The following ABTB3 variants were observed in gnomAD, a reference collection of about 807,000 sequenced individuals.
The protein encoded by ABTB3 is ankyrin repeat and BTB domain containing 3.
the ABTB3 span, chr12:107,617,830 A>G: frequency 2.7e-6 from 1 of 375,236 alleles, no homozygotes; most frequent in Non-Finnish European, 4.8e-6. Context: ...ATCAGCTTTT[A>G]TTACACATAA....
the ABTB3 span, among the ~76,000 whole-genome samples, chr12:107,465,608 C>G: frequency 6.6e-6 from 1 of 152,078 alleles, no homozygotes; most frequent in Non-Finnish European, 1.5e-5. Flanking sequence ...GGGGGCAGAC[C>G]TCCCCTGTGA....
chr12:107,615,695 G>T, the ABTB3 span, among the ~76,000 whole-genome samples: 1 of 152,246 alleles, frequency 6.6e-6, no homozygotes, highest in East Asian at 1.9e-4. Flanking sequence ...TTCTGAAACA[G>T]CTCCAAGCAC....
the ABTB3 span, among the ~76,000 whole-genome samples, chr12:107,321,380 A>G: frequency 6.6e-6 from 1 of 152,178 alleles, no homozygotes; most frequent in Non-Finnish European, 1.5e-5. Context: ...GCCCGGCTCC[A>G]GCCGAAGCCT....
chr12:107,613,917 C>T, the ABTB3 span, among the ~76,000 whole-genome samples: 2 of 152,026 alleles, frequency 1.3e-5, no homozygotes, highest in East Asian at 3.8e-4. Flanking sequence ...AGACAATAGA[C>T]ACAGTTTTGG....
the ABTB3 span, among the ~76,000 whole-genome samples, chr12:107,647,578 A>C: frequency 6.6e-6 from 1 of 152,262 alleles, no homozygotes; most frequent in Non-Finnish European, 1.5e-5. Context: ...CACACATGCG[A>C]AAAGCAGTCT....
At chr12:107,385,573 C>T in the ABTB3 span, among the ~76,000 whole-genome samples, 15 of 152,220 alleles carry the variant, frequency 9.9e-5, no homozygotes, top group Admixed American at 5.9e-4. Flanking sequence ...GGTGAGGTTC[C>T]GAGAAGCCTT....
the ABTB3 span, among the ~76,000 whole-genome samples, chr12:107,320,858 G>T: frequency 6.6e-6 from 1 of 152,094 alleles, no homozygotes; most frequent in African/African-American, 2.4e-5. Context: ...GGATGGAGCT[G>T]GCGGGGGGCA....
chr12:107,612,968 G>T, the ABTB3 span: 7 of 1,069,270 alleles, frequency 6.5e-6, no homozygotes, highest in Admixed American at 1.4e-4. Context: ...GCCACTGAGG[G>T]TGCACAGTGC....
chr12:107,473,185 G>GCATTCTGTA, the ABTB3 span, among the ~76,000 whole-genome samples: 1 of 152,120 alleles, frequency 6.6e-6, no homozygotes, highest in African/African-American at 2.4e-5. Flanking sequence ...TACAGAAAGT[G>GCATTCTGTA]CACACATCAA....
chr12:107,437,076 C>A, the ABTB3 span, among the ~76,000 whole-genome samples: 1 of 152,106 alleles, frequency 6.6e-6, no homozygotes, highest in Non-Finnish European at 1.5e-5. Context: ...CTTGAGAAAG[C>A]CTGGGCTGTG....
chr12:107,463,774 T>G, the ABTB3 span, among the ~76,000 whole-genome samples: 4 of 152,222 alleles, frequency 2.6e-5, no homozygotes, highest in African/African-American at 9.7e-5. Context: ...ACAAGGGACT[T>G]CTACCCTCAT....
chr12:107,372,273 C>T, the ABTB3 span, among the ~76,000 whole-genome samples: 1 of 152,150 alleles, frequency 6.6e-6, no homozygotes, highest in African/African-American at 2.4e-5. Context: ...TCTTGCAACT[C>T]CTTCCCCAGT....
the ABTB3 span, among the ~76,000 whole-genome samples, chr12:107,337,612 A>G: frequency 2.0e-5 from 3 of 152,206 alleles, no homozygotes; most frequent in Non-Finnish European, 2.9e-5. Flanking sequence ...CAGATACTCA[A>G]GGCCATGCAG....
chr12:107,590,387 C>T, the ABTB3 span, among the ~76,000 whole-genome samples: 1 of 152,124 alleles, frequency 6.6e-6, no homozygotes, highest in Non-Finnish European at 1.5e-5. Flanking sequence ...CTGGAAGTGA[C>T]TGATGACGAG....
chr12:107,506,235 T>A, the ABTB3 span, among the ~76,000 whole-genome samples: 2 of 152,320 alleles, frequency 1.3e-5, no homozygotes, highest in South Asian at 4.1e-4. Flanking sequence ...AAGTTTTTAA[T>A]AATCTTGAAT....
chr12:107,320,865 G>A, the ABTB3 span, among the ~76,000 whole-genome samples: 1 of 152,126 alleles, frequency 6.6e-6, no homozygotes, highest in South Asian at 2.1e-4. Context: ...GCTGGCGGGG[G>A]GCAGTTCTGG....
chr12:107,598,695 G>A, the ABTB3 span, among the ~76,000 whole-genome samples: 1 of 152,256 alleles, frequency 6.6e-6, no homozygotes, highest in Non-Finnish European at 1.5e-5. Flanking sequence ...AATGGTACAT[G>A]AGTACCAGAA....
chr12:107,433,256 G>C, the ABTB3 span, among the ~76,000 whole-genome samples: 40 of 128,330 alleles, frequency 3.1e-4, no homozygotes, highest in Non-Finnish European at 5.6e-4. Flanking sequence ...CGCCACTGCA[G>C]TCCGCAGTCC....
the ABTB3 span, among the ~76,000 whole-genome samples, chr12:107,342,352 T>C: frequency 6.6e-6 from 1 of 151,816 alleles, no homozygotes; most frequent in Admixed American, 6.6e-5. Flanking sequence ...AGAGCTGAGG[T>C]GTAGTTGGCT....
Sources: allele counts gnomAD v4.1 joint callset (sites outside exome capture counted in the v4.1 genomes callset), GRCh38; gene constraint gnomAD v4.1.1; transcripts MANE v1.5; gene names NCBI Gene and HGNC (gene_info 2026-07-23, HGNC 2026-07-21).